Variants in AP3D1 observed in about 807,000 individuals in gnomAD.
The protein encoded by AP3D1 is adaptor related protein complex 3 subunit delta 1, also known as AP-3 complex subunit delta-1.
A neutral mutation model predicts 147.6 loss-of-function variants in AP3D1; 51 were observed. The ratio of observed to expected loss-of-function variants is 0.35; its 90% CI spans 0.28 to 0.44. AP3D1 has a LOEUF of 0.44. AP3D1 is among the 20% of genes least tolerant of loss of function. The pLI is 1.00. For synonymous variants in AP3D1, 760 were observed against 663.0 expected (o/e 1.15, Z -2.25); for missense variants, 1,421 against 1,624.2 (o/e 0.87, Z 2.15).
At chr19:2,140,774 T>C in intron 1 of AP3D1, among the ~76,000 whole-genome samples, 1 of 140,466 alleles carries the variant, frequency 7.1e-6, no homozygotes, top group African/African-American at 2.8e-5. Context: ...TTTTTTTTTT[T>C]TTTGAGACGG....
At chr19:2,153,221 A>G (rs2019601285), upstream of AP3D1, among the ~76,000 whole-genome samples, 1 of 151,160 alleles carries the variant, frequency 6.6e-6, no homozygotes, top group South Asian at 2.1e-4. Flanking sequence ...TAAAAATTAA[A>G]AAATTAGCCA....
chr19:2,147,813 A>C (rs575257802), intron 1 of AP3D1, among the ~76,000 whole-genome samples: 1 of 151,244 alleles, frequency 6.6e-6, no homozygotes, highest in East Asian at 2.0e-4. Context: ...TGAACCTGGG[A>C]GGTGGAGGTT....
At chr19:2,132,859 C>T (rs1259783383) in intron 4 of AP3D1, among the ~76,000 whole-genome samples, 8 of 152,120 alleles carry the variant, frequency 5.3e-5, no homozygotes, top group Non-Finnish European at 1.0e-4. Flanking sequence ...CAGGCTGAAA[C>T]GCTCTGTGGG....
Position 2,113,319 on chromosome 19 carries a change from A to T in AP3D1, c.2679+17T>A. On this transcript the variant is annotated intron_variant, in intron 23 of 31. Transcript: ENST00000643116. The stretch of plus-strand genomic sequence containing the variant: ...GCAGACACCGAGGCTGGCACTGGCC[A>T]GCTGCCAGTCTCTTACCGTGGATGG... The T allele has an allele frequency of 9.0e-7, 1 of 1,108,650 alleles. No individual in the cohort carries two copies. The highest frequency in any genetic ancestry group is 1.5e-5 in the South Asian group (1 of 68,344). 68.7% of individuals were successfully genotyped at this position (1,108,650 alleles called of 1,614,324 possible). A position where few individuals can be genotyped will look rare whatever the true frequency, so the allele number is the denominator to read the frequency against.
intron 9 of AP3D1, among the ~76,000 whole-genome samples, chr19:2,125,504 G>T (rs969923198): frequency 2.0e-5 from 3 of 152,236 alleles, no homozygotes; most frequent in African/African-American, 7.2e-5. Context: ...TTTAGGTAGA[G>T]ATGGGGTTTC....
chr19:2,114,053 A>G, intron 22 of AP3D1, 72 bp downstream of exon 22: 1 of 1,497,336 alleles, frequency 6.7e-7, no homozygotes, highest in Admixed American at 2.4e-5. Context: ...CCCTGAGCTC[A>G]CCGCTGTCTC....
intron 1 of AP3D1, among the ~76,000 whole-genome samples, chr19:2,141,055 G>A (rs930975116): frequency 3.3e-5 from 5 of 151,990 alleles, no homozygotes; most frequent in South Asian, 2.1e-4. Flanking sequence ...CACTGCGCCC[G>A]GCCTGAATTA....
chr19:2,126,224 A>AT (rs2018750987), intron 9 of AP3D1, among the ~76,000 whole-genome samples: 3 of 152,198 alleles, frequency 2.0e-5, no homozygotes, highest in Admixed American at 6.5e-5. Flanking sequence ...TTTATCAACC[A>AT]TAAGGAAGTC....
chr19:2,102,804 G>A lies in AP3D1; in HGVS notation c.3553-536C>T, dbSNP rs1045090014. 2.2e-4 allele frequency among the ~76,000 whole-genome samples: 33 copies of A among 150,904 alleles called. 1 individual carries two copies. The highest frequency in any genetic ancestry group is 5.8e-4 in the African/African-American group (24 of 41,110). On this transcript the variant is annotated intron_variant, in intron 31 of 31. Coordinates refer to ENST00000643116, the MANE Select transcript of AP3D1 (RefSeq NM_001261826.3). ...ATAAAATAAAAATAAAAAATGTGCC[G>A]GGCATCGTGGCAGGACACCTGTAAT...
chr19:2,110,908 G>A lies in AP3D1; in HGVS notation c.2986-12C>T, dbSNP rs1224000430. The A allele has an allele frequency of 6.2e-7, 1 of 1,611,766 alleles. No individual in the cohort carries two copies. Among genetic ancestry groups the A allele is most frequent in the Non-Finnish European group, 8.5e-7 (1 of 1,179,464 alleles). ...CGGATGTCACAGGTCTGCAGGGCAT[G>A]GCCAGTGTTAGCAGGGCAGGCGGGC... On this transcript the variant is annotated splice_polypyrimidine_tract_variant and intron_variant, in intron 26 of 31. Transcript: ENST00000643116.
chr19:2,108,198 C>G (rs373674642), intron 31 of AP3D1, among the ~76,000 whole-genome samples: 1 of 152,190 alleles, frequency 6.6e-6, no homozygotes, highest in African/African-American at 2.4e-5. Context: ...GAAAAGAAAA[C>G]TAAAGACCCA....
intron 4 of AP3D1, among the ~76,000 whole-genome samples, chr19:2,134,336 G>A (rs1043815322): frequency 3.3e-5 from 5 of 151,900 alleles, no homozygotes; most frequent in African/African-American, 9.7e-5. Context: ...TGGGGAGATC[G>A]CTTGAGCCTA....
chr19:2,118,503 G>A (rs895925149), intron 15 of AP3D1, 98 bp downstream of exon 15: 12 of 1,172,258 alleles, frequency 1.0e-5, no homozygotes, highest in South Asian at 3.0e-5. Context: ...GAGTGGCTTC[G>A]GAAGAGGAAG....
chr19:2,102,490 A>T (rs1296228917), intron 31 of AP3D1, among the ~76,000 whole-genome samples: 2 of 152,112 alleles, frequency 1.3e-5, no homozygotes, highest in Non-Finnish European at 2.9e-5. Flanking sequence ...GCACTTTAGG[A>T]GGCTGAGGCA....
At chr19:2,163,494 T>C (rs1275664836) in intron 1 of AP3D1, among the ~76,000 whole-genome samples, 1 of 148,596 alleles carries the variant, frequency 6.7e-6, no homozygotes, top group East Asian at 2.0e-4. Flanking sequence ...GCCTGGCCTT[T>C]TTTTTTTTTT....
chr19:2,121,438 G>T, intron 12 of AP3D1, 127 bp from the exon 13 acceptor site: 1 of 1,277,842 alleles, frequency 7.8e-7, no homozygotes, highest in Non-Finnish European at 1.1e-6. Flanking sequence ...ACAGATCGAT[G>T]CCAGGGAGGC....
At chr19:2,157,617 C>G (rs1230654172) in intron 1 of AP3D1, among the ~76,000 whole-genome samples, 1 of 150,554 alleles carries the variant, frequency 6.6e-6, no homozygotes, top group East Asian at 2.0e-4. Context: ...ACCCACTAAC[C>G]CATCCACCCA....
intron 31 of AP3D1, among the ~76,000 whole-genome samples, chr19:2,108,469 G>A (rs542300927): frequency 2.3e-4 from 35 of 152,340 alleles, no homozygotes; most frequent in African/African-American, 8.4e-4. Context: ...GTCAGCCTGC[G>A]GTGAGCAGCG....
intron 12 of AP3D1, 34 bp downstream of exon 12, chr19:2,121,700 C>T: frequency 6.5e-7 from 1 of 1,543,638 alleles, no homozygotes; most frequent in East Asian, 2.3e-5. Flanking sequence ...AGAACTAAGG[C>T]CAGGCGGGCG....
Sources: gnomAD v4.1 joint callset for allele counts (sites outside exome capture counted in the v4.1 genomes callset) on GRCh38, gnomAD v4.1.1 for gene constraint, MANE v1.5 for transcripts, NCBI Gene and HGNC (gene_info 2026-07-23, HGNC 2026-07-21) for gene names.